The following CSTPP1 variants were observed in gnomAD, a reference collection of about 807,000 sequenced individuals.
The protein encoded by CSTPP1 is UPF0705 protein C11orf49.
the CSTPP1 span, chr11:47,154,915 C>T: frequency 1.3e-5 from 7 of 526,162 alleles, no homozygotes; most frequent in Middle Eastern, 1.0e-3. Context: ...GAGACTGAAC[C>T]GGGAGCCCGC....
the CSTPP1 span, among the ~76,000 whole-genome samples, chr11:47,043,168 G>C: frequency 6.6e-6 from 1 of 152,110 alleles, no homozygotes; most frequent in African/African-American, 2.4e-5. Context: ...CAGGAGACTG[G>C]AGCTAGCCCC....
chr11:46,974,401 G>A, the CSTPP1 span, among the ~76,000 whole-genome samples: 22 of 151,604 alleles, frequency 1.5e-4, no homozygotes, highest in South Asian at 4.2e-4. Context: ...GGTGCCAGGC[G>A]CCTGTAATCC....
At chr11:47,161,632 G>T in the CSTPP1 span, 2 of 1,611,528 alleles carry the variant, frequency 1.2e-6, no homozygotes, top group Admixed American at 3.3e-5. Flanking sequence ...ACGAGTCGGA[G>T]ACTTGAGGAG....
the CSTPP1 span, among the ~76,000 whole-genome samples, chr11:46,947,667 AAAGT>A: frequency 1.3e-5 from 2 of 152,138 alleles, no homozygotes; most frequent in African/African-American, 2.4e-5. Flanking sequence ...TTCTTTGGAG[AAAGT>A]AAGAGCCTTT....
chr11:46,972,396 G>A, the CSTPP1 span, among the ~76,000 whole-genome samples: 4 of 152,132 alleles, frequency 2.6e-5, no homozygotes, highest in Non-Finnish European at 4.4e-5. Context: ...CCCCTTGCTA[G>A]GGTTGTTGAG....
the CSTPP1 span, among the ~76,000 whole-genome samples, chr11:46,951,078 T>C: frequency 1.3e-5 from 2 of 152,106 alleles, no homozygotes; most frequent in African/African-American, 4.8e-5. Context: ...GGGATTTAAG[T>C]TATATAACTT....
At chr11:47,016,397 C>CA in the CSTPP1 span, among the ~76,000 whole-genome samples, 8 of 74,704 alleles carry the variant, frequency 1.1e-4, no homozygotes, top group African/African-American at 4.3e-4. Flanking sequence ...CTACAAAAAA[C>CA]AAAAAACAAA....
the CSTPP1 span, among the ~76,000 whole-genome samples, chr11:46,953,317 G>A: frequency 6.6e-6 from 1 of 152,112 alleles, no homozygotes; most frequent in East Asian, 1.9e-4. Flanking sequence ...AGGAGGAAGA[G>A]AGAGTTTATT....
At chr11:47,108,704 CTTTT>C in the CSTPP1 span, among the ~76,000 whole-genome samples, 1 of 118,392 alleles carries the variant, frequency 8.4e-6, no homozygotes, top group Non-Finnish European at 1.6e-5. Context: ...GTACTATCTA[CTTTT>C]TTTTTTTTTT....
chr11:47,129,377 A>C, the CSTPP1 span, among the ~76,000 whole-genome samples: 1 of 152,150 alleles, frequency 6.6e-6, no homozygotes, highest in African/African-American at 2.4e-5. Flanking sequence ...TTTCCTCAAT[A>C]ATGGGTAGGA....
chr11:47,143,169 T>C, the CSTPP1 span, among the ~76,000 whole-genome samples: 2 of 152,212 alleles, frequency 1.3e-5, no homozygotes, highest in Non-Finnish European at 1.5e-5. Flanking sequence ...CTGGTGCATA[T>C]GTAGAAAAAT....
the CSTPP1 span, among the ~76,000 whole-genome samples, chr11:47,067,560 C>T: frequency 1.3e-5 from 2 of 152,154 alleles, no homozygotes; most frequent in African/African-American, 4.8e-5. Context: ...AGAAGAGACA[C>T]CGGAACTGGT....
chr11:47,019,697 A>T, the CSTPP1 span, among the ~76,000 whole-genome samples: 1 of 152,204 alleles, frequency 6.6e-6, no homozygotes, highest in Non-Finnish European at 1.5e-5. Flanking sequence ...AACATCAAAG[A>T]TCAGTGATCA....
chr11:47,011,773 C>T, the CSTPP1 span, among the ~76,000 whole-genome samples: 1 of 152,150 alleles, frequency 6.6e-6, no homozygotes, highest in Admixed American at 6.5e-5. Flanking sequence ...TTCTGTGATG[C>T]TCTTCTAGAT....
the CSTPP1 span, among the ~76,000 whole-genome samples, chr11:47,014,641 G>A: frequency 7.2e-5 from 11 of 151,890 alleles, no homozygotes; most frequent in South Asian, 2.1e-3. Flanking sequence ...GGAGGCAGAG[G>A]TTGTGGTGAG....
At chr11:47,095,278 T>C in the CSTPP1 span, among the ~76,000 whole-genome samples, 1 of 152,214 alleles carries the variant, frequency 6.6e-6, no homozygotes, top group Non-Finnish European at 1.5e-5. Context: ...CAGTTGCTAG[T>C]ATTAGACAGG....
At chr11:47,062,011 T>C in the CSTPP1 span, among the ~76,000 whole-genome samples, 2 of 152,158 alleles carry the variant, frequency 1.3e-5, no homozygotes, top group Non-Finnish European at 2.9e-5. Flanking sequence ...CTGAAGCTCC[T>C]CAACCCTCCA....
chr11:46,996,697 C>T, the CSTPP1 span, among the ~76,000 whole-genome samples: 1 of 152,150 alleles, frequency 6.6e-6, no homozygotes, highest in African/African-American at 2.4e-5. Context: ...TTTGCAGTGG[C>T]TGGTACTGGT....
chr11:47,078,903 A>T, the CSTPP1 span, among the ~76,000 whole-genome samples: 1 of 152,206 alleles, frequency 6.6e-6, no homozygotes, highest in African/African-American at 2.4e-5. Context: ...TTGAGGTTAG[A>T]TAGCAGAAAT....
Sources: allele counts gnomAD v4.1 joint callset (sites outside exome capture counted in the v4.1 genomes callset), GRCh38; gene constraint gnomAD v4.1.1; transcripts MANE v1.5; gene names NCBI Gene and HGNC (gene_info 2026-07-23, HGNC 2026-07-21).